The following HIP1 variants were observed in gnomAD, a reference collection of about 807,000 sequenced individuals.
The protein encoded by HIP1 is huntingtin-interacting protein 1.
Under a neutral mutation model 147.6 loss-of-function variants are expected in HIP1, and 65 were observed. That is an observed-to-expected ratio of 0.44 (90% CI 0.36 to 0.54). The LOEUF (loss-of-function observed/expected upper bound fraction) is 0.54, where lower values mean the gene tolerates loss of function less well. Among genes scored for constraint, HIP1 ranks in the 20% least tolerant of loss-of-function variants. The pLI, the probability that HIP1 is intolerant of heterozygous loss-of-function variation, is 0.00. For missense variants in HIP1, 1,061 were observed against 1,299.6 expected (o/e 0.82, Z 2.82); for synonymous variants, 479 against 504.0 (o/e 0.95, Z 0.67).
Position 75,586,848 on chromosome 7 carries a change from A to AG in HIP1, c.385-16dup. 6.4e-7 allele frequency: 1 copy of AG among 1,555,306 alleles called. No homozygotes were observed. The highest frequency in any genetic ancestry group is 8.9e-7 in the Non-Finnish European group (1 of 1,127,626). On this transcript the variant is annotated splice_polypyrimidine_tract_variant and intron_variant, in intron 4 of 30. Transcript: ENST00000336926. Reference sequence around the variant, plus strand: ...CTCAGGTGGCCCTTTTAGGAAGAGGAGGGGAAACAGAGTCAACAACAAGAA... The same window carrying AG: ...CTCAGGTGGCCCTTTTAGGAAGAGGAGGGGGAAACAGAGTCAACAACAAGAA...
intron 1 of HIP1, among the ~76,000 whole-genome samples, chr7:75,669,079 A>AAAG (rs1799652681): frequency 1.3e-5 from 2 of 151,846 alleles, no homozygotes; most frequent in Non-Finnish European, 2.9e-5. Flanking sequence ...CAAACAAAAA[A>AAAG]AACAGGCCGG....
intron 1 of HIP1, among the ~76,000 whole-genome samples, chr7:75,661,532 C>T (rs1237889382): frequency 4.1e-5 from 6 of 146,524 alleles, no homozygotes; most frequent in South Asian, 2.2e-4. Context: ...GAGATCATGC[C>T]GCTGCACTCC....
intron 1 of HIP1, among the ~76,000 whole-genome samples, chr7:75,652,256 G>A (rs1300742655): frequency 1.3e-5 from 2 of 150,170 alleles, no homozygotes; most frequent in African/African-American, 4.9e-5. Flanking sequence ...GGTGGAGGTT[G>A]CAGTGAGCTG....
chr7:75,572,136 A>G (rs781906863), intron 8 of HIP1, among the ~76,000 whole-genome samples: 8 of 151,430 alleles, frequency 5.3e-5, no homozygotes, highest in Non-Finnish European at 8.8e-5. Flanking sequence ...AGGCACAAGA[A>G]TTGCTTGAAC....
At chr7:75,560,254 G>A (rs1260941093) in intron 13 of HIP1, among the ~76,000 whole-genome samples, 2 of 151,046 alleles carry the variant, frequency 1.3e-5, no homozygotes, top group Non-Finnish European at 3.0e-5. Context: ...TTTTTTTGGC[G>A]GTTGGGGGAG....
intron 7 of HIP1, among the ~76,000 whole-genome samples, chr7:75,575,914 GA>G (rs781931755): frequency 1.8e-3 from 260 of 142,802 alleles, no homozygotes; most frequent in Middle Eastern, 3.6e-3. Context: ...TCTGGCAGCT[GA>G]AAAAAAAAAA....
At chr7:75,662,492 ATTTAT>A (rs1799352694) in intron 1 of HIP1, among the ~76,000 whole-genome samples, 3 of 151,874 alleles carry the variant, frequency 2.0e-5, no homozygotes, top group Non-Finnish European at 2.9e-5. Flanking sequence ...AGAGGCTTTT[ATTTAT>A]TTTATTTTAT....
intron 1 of HIP1, among the ~76,000 whole-genome samples, chr7:75,606,714 A>C (rs1472465836): frequency 1.3e-5 from 2 of 152,122 alleles, no homozygotes; most frequent in Non-Finnish European, 2.9e-5. Flanking sequence ...CTTGGGTAAG[A>C]AATAGCCATT....
At chr7:75,638,886 T>C (rs1256723029) in intron 1 of HIP1, among the ~76,000 whole-genome samples, 1 of 151,764 alleles carries the variant, frequency 6.6e-6, no homozygotes, top group Non-Finnish European at 1.5e-5. Flanking sequence ...TCCAGAATCC[T>C]GGCCCGGCTC....
At chr7:75,557,598 G>C in intron 16 of HIP1, 56 bp downstream of exon 16, 2 of 1,309,688 alleles carry the variant, frequency 1.5e-6, no homozygotes, top group Non-Finnish European at 2.2e-6. Context: ...CAAAGCCCCC[G>C]CCACCAACTC....
chr7:75,716,565 G>T (rs1554520611), intron 1 of HIP1, among the ~76,000 whole-genome samples: 1 of 150,280 alleles, frequency 6.7e-6, no homozygotes. Context: ...TGTCACCCAG[G>T]CTGGAGTGCA....
chr7:75,639,460 G>C (rs1316368969), intron 1 of HIP1, among the ~76,000 whole-genome samples: 1 of 151,810 alleles, frequency 6.6e-6, no homozygotes, highest in Admixed American at 6.5e-5. Flanking sequence ...GGGCTCGCAC[G>C]GCGAGGATGT....
chr7:75,658,679 G>T (rs1799215183), intron 1 of HIP1, among the ~76,000 whole-genome samples: 1 of 152,100 alleles, frequency 6.6e-6, no homozygotes, highest in African/African-American at 2.4e-5. Flanking sequence ...ACTTTGGGAG[G>T]CCGAGGTAGC....
At chr7:75,635,260 C>T (rs587653352) in intron 1 of HIP1, among the ~76,000 whole-genome samples, 1 of 152,054 alleles carries the variant, frequency 6.6e-6, no homozygotes, top group Non-Finnish European at 1.5e-5. Context: ...CGTGTGTACC[C>T]TCATTCACAA....
chr7:75,664,495 TAC>T (rs1563279594), intron 1 of HIP1, among the ~76,000 whole-genome samples: 1 of 104,576 alleles, frequency 9.6e-6, no homozygotes, highest in Non-Finnish European at 1.9e-5. Flanking sequence ...TATATACACA[TAC>T]ATATATATGT....
chr7:75,599,017 T>G (rs1796869799), intron 2 of HIP1, among the ~76,000 whole-genome samples, 167 bp downstream of exon 2: 1 of 152,206 alleles, frequency 6.6e-6, no homozygotes, highest in Non-Finnish European at 1.5e-5. Flanking sequence ...CTGTGGTCTC[T>G]GCAGCCAGCC....
chr7:75,706,108 T>C (rs1265566210), intron 1 of HIP1, among the ~76,000 whole-genome samples: 2 of 152,050 alleles, frequency 1.3e-5, no homozygotes, highest in African/African-American at 2.4e-5. Flanking sequence ...TTGGCCAGGC[T>C]GGTCTCGAAC....
intron 1 of HIP1, among the ~76,000 whole-genome samples, chr7:75,643,149 T>G (rs1798702327): frequency 6.6e-6 from 1 of 152,216 alleles, no homozygotes; most frequent in Admixed American, 6.5e-5. Context: ...CTGGCAAGGC[T>G]TTATAGCCTC....
chr7:75,549,841 T>G (rs1435321439), intron 22 of HIP1, among the ~76,000 whole-genome samples: 5 of 7,682 alleles, frequency 6.5e-4, no homozygotes, highest in African/African-American at 2.5e-3. Context: ...GGATAATTGT[T>G]TTTTTTTTTT....
Sources: gnomAD v4.1 joint callset for allele counts (sites outside exome capture counted in the v4.1 genomes callset) on GRCh38, gnomAD v4.1.1 for gene constraint, MANE v1.5 for transcripts, NCBI Gene and HGNC (gene_info 2026-07-23, HGNC 2026-07-21) for gene names.